AGAP1: variants seen among roughly 807,000 people sequenced by gnomAD.
AGAP1 encodes the protein arf-GAP with GTPase, ANK repeat and PH domain-containing protein 1.
Under a neutral mutation model 105.3 loss-of-function variants are expected in AGAP1, and 29 were observed. The observed-to-expected ratio is 0.28, with a 90% confidence interval of 0.21 to 0.38. AGAP1 has a LOEUF of 0.38. Among genes scored for constraint, AGAP1 ranks in the 10% least tolerant of loss-of-function variants. AGAP1 has a pLI of 1.00. For synonymous variants in AGAP1, 509 were observed against 485.9 expected (o/e 1.05, Z -0.63); for missense variants, 998 against 1,165.1 (o/e 0.86, Z 2.09).
rs971914635 is a variant in AGAP1 at position 236,027,159 on chromosome 2, T to A, written c.1646-9402T>A. 2.0e-5 allele frequency among the ~76,000 whole-genome samples: 3 copies of A among 152,174 alleles called. No homozygotes were observed. Among genetic ancestry groups the A allele is most frequent in the Non-Finnish European group, 2.9e-5 (2 of 68,038 alleles). Reference sequence around the variant, plus strand: ...CTATAATCCTTGTACTTATTTTTTTTAATCTTGGGAGGCAGAGAAAAGTCA... The same window carrying A: ...CTATAATCCTTGTACTTATTTTTTTAAATCTTGGGAGGCAGAGAAAAGTCA... On this transcript the variant is annotated intron_variant, in intron 13 of 17. Coordinates refer to ENST00000304032, the MANE Select transcript of AGAP1 (RefSeq NM_001037131.3). The surrounding 1 kb of genome is among the most constrained non-coding windows in gnomAD (Gnocchi z 4.4).
Position 235,608,678 on chromosome 2 carries a change from C to T in AGAP1, c.164-100501C>T, listed in dbSNP as rs984194894. Reference sequence around the variant, plus strand: ...AGAGAGGAACGAGGTCTCTGGATTCCGGACGCCCTGCTGCTACTTGGCCTC... The same window carrying T: ...AGAGAGGAACGAGGTCTCTGGATTCTGGACGCCCTGCTGCTACTTGGCCTC... On this transcript the variant is annotated intron_variant, in intron 1 of 17. Coordinates refer to ENST00000304032, the MANE Select transcript of AGAP1 (RefSeq NM_001037131.3). This position sits in a 1 kb window ranked among gnomAD's most constrained non-coding sequence, Gnocchi z 5.4. Among the ~76,000 whole-genome samples the T allele has an allele frequency of 3.3e-5, 5 of 152,298 alleles. No individual in the cohort carries two copies. Among genetic ancestry groups the T allele is most frequent in the East Asian group, 1.9e-4 (1 of 5,178 alleles).
chr2:235,605,338 C>T (rs934970533), intron 1 of AGAP1, among the ~76,000 whole-genome samples: 1 of 152,182 alleles, frequency 6.6e-6, no homozygotes. Context: ...CCCATTTTAC[C>T]GATGAGGAAA....
At chr2:235,646,678 C>A (rs967691531) in intron 1 of AGAP1, among the ~76,000 whole-genome samples, 1 of 152,188 alleles carries the variant, frequency 6.6e-6, no homozygotes, top group African/African-American at 2.4e-5. Context: ...TCTTTCTAAC[C>A]CCTGAACAAC....
chr2:236,088,138 A>C (rs925118802), intron 16 of AGAP1, among the ~76,000 whole-genome samples: 2 of 152,332 alleles, frequency 1.3e-5, no homozygotes, highest in African/African-American at 4.8e-5. Flanking sequence ...GCTGGGCTCC[A>C]GGACACCTAG....
intron 1 of AGAP1, among the ~76,000 whole-genome samples, chr2:235,584,615 T>A (rs887767550): frequency 2.6e-5 from 4 of 151,544 alleles, no homozygotes; most frequent in African/African-American, 9.7e-5. Context: ...AGGGATCCCC[T>A]CCCCCAGCCT....
intron 13 of AGAP1, among the ~76,000 whole-genome samples, chr2:235,998,693 G>A (rs574314431): frequency 1.4e-5 from 2 of 147,596 alleles, no homozygotes; most frequent in East Asian, 4.1e-4. Context: ...GGTGGTGGTG[G>A]TAGCAGTGAT....
intron 1 of AGAP1, among the ~76,000 whole-genome samples, chr2:235,561,408 TG>T (rs1375920557): frequency 2.0e-5 from 3 of 152,202 alleles, no homozygotes; most frequent in Non-Finnish European, 1.5e-5. Flanking sequence ...TTTCCTGACA[TG>T]GTAGAATTTT....
In AGAP1 at chr2:235,819,080, C is replaced by T. The variant is rs555859890; in HGVS notation, c.1050+11749C>T. Among the ~76,000 whole-genome samples the T allele has an allele frequency of 1.7e-4, 26 of 151,434 alleles. No homozygotes were observed. In the East Asian group the frequency reaches 5.1e-3, roughly 29 times the overall value. On this transcript the variant is annotated intron_variant, in intron 9 of 17. Coordinates refer to ENST00000304032, the MANE Select transcript of AGAP1 (RefSeq NM_001037131.3). ...AGAGGTTGCCTGAGTAGGTCAGAAT[C>T]GAGTATCGGGAAATTGTATTTCTTT...
intron 1 of AGAP1, among the ~76,000 whole-genome samples, chr2:235,619,143 G>C (rs1359359082): frequency 1.3e-5 from 2 of 152,178 alleles, no homozygotes; most frequent in African/African-American, 4.8e-5. Flanking sequence ...GTCGATTTTA[G>C]ACCTTGGATG....
In AGAP1 at chr2:235,599,593, G is replaced by GCAGAACTGCA. The variant is rs60923442; in HGVS notation, c.163+104744_163+104745insCAGAACTGCA. On this transcript the variant is annotated intron_variant, in intron 1 of 17. Coordinates refer to ENST00000304032, the MANE Select transcript of AGAP1 (RefSeq NM_001037131.3). This position sits in a 1 kb window ranked among gnomAD's most constrained non-coding sequence, Gnocchi z 5.3. Reference sequence around the variant, plus strand: ...TGGTCACTCTGCTTTGGAGAACTGCGGATCCCCTGCCATGGCCCATGTGGC... The same window carrying GCAGAACTGCA: ...TGGTCACTCTGCTTTGGAGAACTGCGCAGAACTGCAGATCCCCTGCCATGGCCCATGTGGC... 1.3e-5 allele frequency among the ~76,000 whole-genome samples: 2 copies of GCAGAACTGCA among 152,174 alleles called. No individual in the cohort carries two copies. Among genetic ancestry groups the GCAGAACTGCA allele is most frequent in the South Asian group, 2.1e-4 (1 of 4,828 alleles).
intron 13 of AGAP1, among the ~76,000 whole-genome samples, chr2:235,995,065 C>CAAAAAAAAAAAAAA (rs58097220): frequency 4.9e-5 from 3 of 60,944 alleles, no homozygotes; most frequent in African/African-American, 6.3e-5. Context: ...GACTCTGTCT[C>CAAAAAAAAAAAAAA]AAAAAAAAAA....
At chr2:235,539,188 G>A (rs1359893129) in intron 1 of AGAP1, among the ~76,000 whole-genome samples, 2 of 152,198 alleles carry the variant, frequency 1.3e-5, no homozygotes, top group Non-Finnish European at 2.9e-5. Context: ...CATCTAATCA[G>A]GACTTTTTCT....
intron 6 of AGAP1, among the ~76,000 whole-genome samples, chr2:235,795,347 G>C (rs1301110943): frequency 6.6e-6 from 1 of 152,190 alleles, no homozygotes; most frequent in Non-Finnish European, 1.5e-5. Context: ...AGCAACAGCC[G>C]TTGGCAAATT....
In AGAP1 at chr2:235,560,175, G is replaced by A. The variant is rs12468311; in HGVS notation, c.163+65326G>A. 2.0e-3 allele frequency among the ~76,000 whole-genome samples: 310 copies of A among 152,198 alleles called. 7 individuals are homozygous for A. The highest frequency in any genetic ancestry group is 0.017 in the Admixed American group (265 of 15,290). Reference sequence around the variant, plus strand: ...CTTTTTGTATATGGTGTAAGATGGGGTAATTGTCAATTTTTTAAAAGGAAA... The same window carrying A: ...CTTTTTGTATATGGTGTAAGATGGGATAATTGTCAATTTTTTAAAAGGAAA... On this transcript the variant is annotated intron_variant, in intron 1 of 17. Coordinates refer to ENST00000304032, the MANE Select transcript of AGAP1 (RefSeq NM_001037131.3).
intron 1 of AGAP1, among the ~76,000 whole-genome samples, chr2:235,502,632 T>A (rs1941610734): frequency 6.6e-6 from 1 of 152,094 alleles, no homozygotes; most frequent in Non-Finnish European, 1.5e-5. Flanking sequence ...CAAGCAACTG[T>A]CTAATCTTTA....
chr2:235,525,940 TA>T (rs199866955), intron 1 of AGAP1, among the ~76,000 whole-genome samples: 1,365 of 90,008 alleles, frequency 0.015, no homozygotes, highest in Admixed American at 0.024. Context: ...GACTGATTTA[TA>T]AAGTAGAGGA....
Position 235,797,767 on chromosome 2 carries a change from A to G in AGAP1, c.682A>G (p.Lys228Glu), listed in dbSNP as rs1253940440. 6.2e-7 allele frequency: 1 copy of G among 1,614,168 alleles called. No homozygotes were observed. ...GTCTGTGTGTCCACCAGTTGCCCAGAAGATTGTTGCCACAAGGAAGAAGCA... is the reference window on the plus strand; with the variant it reads ...GTCTGTGTGTCCACCAGTTGCCCAGGAGATTGTTGCCACAAGGAAGAAGCA... ...VERVFQDVAQKIVATRKKQQL... is the reference protein window; with the variant it reads ...VERVFQDVAQEIVATRKKQQL... The change falls in exon 7 of 18, where the codon AAG (lysine) becomes GAG (glutamate). Residue 228 changes from lysine (K) to glutamate (E), a missense_variant. Transcript: ENST00000304032.
chr2:235,926,832 A>G (rs889385213), intron 11 of AGAP1, among the ~76,000 whole-genome samples: 6 of 152,176 alleles, frequency 3.9e-5, no homozygotes, highest in African/African-American at 1.2e-4. Flanking sequence ...CCCGGAACCC[A>G]CTCAGATCCT....
intron 9 of AGAP1, among the ~76,000 whole-genome samples, chr2:235,825,191 G>A (rs941508213): frequency 2.0e-5 from 3 of 152,334 alleles, no homozygotes; most frequent in Non-Finnish European, 2.9e-5. Context: ...GCAGGCTCCC[G>A]TCTCCAGACC....
Sources: allele counts gnomAD v4.1 joint callset (sites outside exome capture counted in the v4.1 genomes callset), GRCh38; gene constraint gnomAD v4.1.1; non-coding constraint Gnocchi (gnomAD v3.1); transcripts MANE v1.5; gene names NCBI Gene and HGNC (gene_info 2026-07-23, HGNC 2026-07-21).